The following DUSP9 variants were observed in gnomAD, a reference collection of about 807,000 sequenced individuals.
DUSP9 encodes the protein dual specificity protein phosphatase 9.
DUSP9 carries 4 observed loss-of-function variants against 13.2 expected under a neutral mutation model. The ratio of observed to expected loss-of-function variants is 0.30; its 90% CI spans 0.15 to 0.69. The LOEUF is 0.69. DUSP9 is among the 30% of genes least tolerant of loss of function. The pLI is 0.73. For synonymous variants in DUSP9, 166 were observed against 172.3 expected, an observed-to-expected ratio of 0.96 and a Z score of 0.29; for missense variants, 263 against 355.0, an observed-to-expected ratio of 0.74 and a Z score of 2.08.
chrX:153,650,617 T>A lies in DUSP9; in HGVS notation c.*312T>A. The A allele has an allele frequency of 3.9e-6, 1 of 254,060 alleles. No homozygotes were observed. The highest frequency in any genetic ancestry group is 7.0e-6 in the Non-Finnish European group (1 of 142,329). 20.9% of individuals were successfully genotyped at this position (254,060 alleles called of 1,213,427 possible). ...AGCTCGGCTAGGCCCTGCGCCTCCCTGCGCTTCCCCCTTCAGGAAGGGTGT... is the reference window on the plus strand; with the variant it reads ...AGCTCGGCTAGGCCCTGCGCCTCCCAGCGCTTCCCCCTTCAGGAAGGGTGT... On this transcript the variant is annotated 3_prime_UTR_variant, in exon 4 of 4. Transcript: ENST00000342782.
At position 153,650,900 on chromosome X, in the gene DUSP9, CTGGGGCTCTT is replaced by C. The variant is rs1341770241; in HGVS notation, c.*598_*607del. On this transcript the variant is annotated 3_prime_UTR_variant, in exon 4 of 4. Transcript: ENST00000342782. The stretch of plus-strand genomic sequence containing the variant: ...TCCCCCAGATGTCTTGACGGGATCA[CTGGGGCTCTT>C]TGTGAGTGAGGGTGGCCAAACTACC... 2 of 109,945 alleles carry C rather than the reference CTGGGGCTCTT, an allele frequency of 1.8e-5. No individual in the cohort carries two copies. Among genetic ancestry groups the C allele is most frequent in the African/African-American group, 6.6e-5 (2 of 30,159 alleles). The allele number at this position is 109,945 out of a possible 1,213,427, so 9.1% of individuals were successfully genotyped here.
rs911531459 is a variant in DUSP9, at chrX:153,650,440, G to T, written c.*135G>T. ...CTGGGGGGAGAGCGCAATACCTCAC[G>T]CGGGCTGCCGTCCTAATCAACGTGC... On this transcript the variant is annotated 3_prime_UTR_variant, in exon 4 of 4. Coordinates refer to ENST00000342782, the MANE Select transcript of DUSP9 (RefSeq NM_001318503.2). 2.5e-5 allele frequency: 12 copies of T among 478,741 alleles called. No homozygotes were observed. Among genetic ancestry groups the T allele is most frequent in the East Asian group, 2.2e-4 (6 of 26,924 alleles). The allele number at this position is 478,741 out of a possible 1,213,427, so 39.5% of individuals were successfully genotyped here. A position where few individuals can be genotyped will look rare whatever the true frequency, so the allele number is the denominator to read the frequency against.
rs1603189605 is a variant in DUSP9, at chrX:153,650,369, T to C, written c.*64T>C. 1.1e-6 allele frequency: 1 copy of C among 887,273 alleles called. No individual in the cohort carries two copies. The highest frequency in any genetic ancestry group is 1.5e-6 in the Non-Finnish European group (1 of 646,488). 73.1% of individuals were successfully genotyped at this position (887,273 alleles called of 1,213,427 possible). A position where few individuals can be genotyped will look rare whatever the true frequency, so the allele number is the denominator to read the frequency against. On this transcript the variant is annotated 3_prime_UTR_variant, in exon 4 of 4. Coordinates refer to ENST00000342782, the MANE Select transcript of DUSP9 (RefSeq NM_001318503.2). ...ACCCACGGGTGTCCCTGCCCACTCG[T>C]GTGGCAAGGGAGGGGAGGGCAGGAG...
In DUSP9 at chrX:153,650,325, C is replaced by A; in HGVS notation, c.*20C>A. The A allele has an allele frequency of 3.7e-6, 4 of 1,089,576 alleles. No homozygotes were observed. Among genetic ancestry groups the A allele is most frequent in the Non-Finnish European group, 4.9e-6 (4 of 817,748 alleles). 89.8% of individuals were successfully genotyped at this position (1,089,576 alleles called of 1,213,427 possible). A position where few individuals can be genotyped will look rare whatever the true frequency, so the allele number is the denominator to read the frequency against. On this transcript the variant is annotated 3_prime_UTR_variant, in exon 4 of 4. Coordinates refer to ENST00000342782, the MANE Select transcript of DUSP9 (RefSeq NM_001318503.2). ...ACCTAGGGCCCCGTGGCCGGCAGGC[C>A]GGCCCCTGCCCCACCCCCACCCACG...
rs1243273996 is a variant in DUSP9, at chrX:153,650,014, C to A, written c.864C>A (p.Val288=). 4 of 1,208,728 alleles carry A rather than the reference C, an allele frequency of 3.3e-6. No homozygotes were observed. The highest frequency in any genetic ancestry group is 1.8e-5 in the South Asian group (1 of 56,756). The part of the protein sequence containing the change: ...EALSQNCGVL[V]HCLAGVSRSV... ...TGTCCCAGAACTGCGGGGTGCTCGT[C>A]CACTGCTTGGCGGGGGTCAGCCGTT... is the stretch of plus-strand genomic sequence containing the variant. Residue 288 remains valine (V), a synonymous_variant, in exon 4 of 4, where the codon GTC becomes GTA. Transcript: ENST00000342782.
rs782644901 is a variant in DUSP9, at chrX:153,649,333, G to C, written c.475G>C (p.Val159Leu). 5.8e-6 allele frequency: 7 copies of C among 1,209,361 alleles called. No individual in the cohort carries two copies. In the African/African-American group the frequency reaches 1.2e-4, roughly 21 times the overall value. Residue 159 changes from valine (V) to leucine (L), a missense_variant, in exon 3 of 4, where the codon GTG becomes CTG. By Grantham distance (32) the Val-to-Leu change is conservative. Coordinates refer to ENST00000342782, the MANE Select transcript of DUSP9 (RefSeq NM_001318503.2). ...GGCGCCGGTGCCCGGTCCAGTGCCC[G>C]TGGTGGGGTTGGGCAGCCTGTGCCT... ...SMAPVPGPVPVVGLGSLCLGS... is the reference protein window; with the variant it reads ...SMAPVPGPVPLVGLGSLCLGS...
upstream of DUSP9, among the ~76,000 whole-genome samples, chrX:153,644,560 G>T (rs1005001418): frequency 4.5e-5 from 5 of 111,818 alleles, no homozygotes; most frequent in Admixed American, 4.6e-4. Context: ...CAGTGCGGAG[G>T]TGGCAACAGG....
rs781985308 is a variant in DUSP9, at chrX:153,649,529, G to A, written c.671G>A (p.Ser224Asn). 4.1e-6 allele frequency: 5 copies of A among 1,210,866 alleles called. No individual in the cohort carries two copies. In the East Asian group the frequency reaches 1.5e-4, roughly 36 times the overall value. The stretch of plus-strand genomic sequence containing the variant: ...GCCCGGGATTCCGCCAATTTGGAGA[G>A]CCTGGCCAAACTGGGCATCCGCTAC... ...GSARDSANLE[S>N]LAKLGIRYIL... Residue 224 changes from serine (S) to asparagine (N), a missense_variant, in exon 3 of 4, where the codon AGC (serine) becomes AAC (asparagine). Ser to Asn is a conservative substitution (Grantham distance 46). Coordinates refer to ENST00000342782, the MANE Select transcript of DUSP9 (RefSeq NM_001318503.2).
rs1569538156 is a variant in DUSP9, at chrX:153,651,238, G to C, written c.*933G>C. 1 of 112,938 alleles carries C rather than the reference G, an allele frequency of 8.9e-6. No homozygotes were observed. The highest frequency in any genetic ancestry group is 1.9e-5 in the Non-Finnish European group (1 of 53,313). The allele number at this position is 112,938 out of a possible 1,213,427, so 9.3% of individuals were successfully genotyped here. On this transcript the variant is annotated 3_prime_UTR_variant, in exon 4 of 4. Coordinates refer to ENST00000342782, the MANE Select transcript of DUSP9 (RefSeq NM_001318503.2). The stretch of plus-strand genomic sequence containing the variant: ...GCCGTCTCACCCTGGAGCCTGGAGA[G>C]GATCTATGCTTGTTTGTTTTTGTAA...
At position 153,649,484 on chromosome X, in the gene DUSP9, C is replaced by G. The variant is rs1603188310; in HGVS notation, c.626C>G (p.Pro209Arg). ...GCATCCTTCCCTGTCCAGATCCTGC[C>G]CAACCTCTATCTGGGCAGTGCCCGG... The part of the protein sequence containing the change: ...LRASFPVQIL[P>R]NLYLGSARDS... Residue 209 changes from proline to arginine, a missense_variant, in exon 3 of 4, where the codon CCC (proline) becomes CGC (arginine). Transcript: ENST00000342782. 2 of 1,210,663 alleles carry G rather than the reference C, an allele frequency of 1.7e-6. No individual in the cohort carries two copies. The highest frequency in any genetic ancestry group is 3.5e-5 in the South Asian group (2 of 56,893).
chrX:153,642,938 C>T (rs190528558), upstream of DUSP9, among the ~76,000 whole-genome samples: 290 of 108,295 alleles, frequency 2.7e-3, no homozygotes, highest in African/African-American at 9.0e-3. Context: ...TCATGCCAAC[C>T]CACCGAGACC....
At position 153,650,053 on chromosome X, in the gene DUSP9, T is replaced by C. The variant is rs782057191; in HGVS notation, c.903T>C (p.Thr301=). The C allele has an allele frequency of 5.7e-5, 69 of 1,209,615 alleles. 1 individual carries two copies. The South Asian group carries it at 1.1e-3, about 20-fold the overall frequency. The part of the protein sequence containing the change: ...LAGVSRSVTV[T]VAYLMQKLHL... ...GGGTCAGCCGTTCTGTCACCGTCAC[T>C]GTGGCCTACCTCATGCAGAAGCTCC... Residue 301 remains threonine, a synonymous_variant, in exon 4 of 4, where the codon ACT becomes ACC. Transcript: ENST00000342782.
At position 153,649,667 on chromosome X, in the gene DUSP9, C is replaced by G. The variant is rs782267620; in HGVS notation, c.809C>G (p.Pro270Arg). 1 of 1,208,893 alleles carries G rather than the reference C, an allele frequency of 8.3e-7. No individual in the cohort carries two copies. Among genetic ancestry groups the G allele is most frequent in the Non-Finnish European group, 1.1e-6 (1 of 894,603 alleles). The change falls in exon 3 of 4, where the codon CCG becomes CGG. Residue 270 changes from proline (P) to arginine (R), a missense_variant. By Grantham distance (103) the Pro-to-Arg change is moderately radical (BLOSUM62 -2). Coordinates refer to ENST00000342782, the MANE Select transcript of DUSP9 (RefSeq NM_001318503.2). ...AGCCAGAACCTGTCGCGGTTCTTTC[C>G]GGAGGCCATTGAGTTCATTGGTGAG... is the stretch of plus-strand genomic sequence containing the variant. ...HWSQNLSRFFPEAIEFIDEAL... is the reference protein window; with the variant it reads ...HWSQNLSRFFREAIEFIDEAL...
upstream of DUSP9, chrX:153,642,465 G>A (rs1297762578): frequency 1.8e-5 from 2 of 113,698 alleles, no homozygotes; most frequent in African/African-American, 3.2e-5. Context: ...CAGCGGCGGC[G>A]GCGGCTGCCC....
upstream of DUSP9, chrX:153,642,584 C>G (rs980318965): frequency 6.2e-5 from 7 of 112,217 alleles, no homozygotes; most frequent in East Asian, 1.4e-3. Flanking sequence ...ACGCAGGGAA[C>G]CGGCGCGGAG....
chrX:153,646,956 C>T (rs1480120571), upstream of DUSP9, among the ~76,000 whole-genome samples: 2 of 112,779 alleles, frequency 1.8e-5, no homozygotes, highest in African/African-American at 3.2e-5. Context: ...CTCCCCCTGC[C>T]TCCCGAGGCC....
intron 2 of DUSP9, 55 bp from the exon 3 acceptor site, chrX:153,649,177 G>A (rs2091201594): frequency 1.8e-6 from 2 of 1,121,213 alleles, no homozygotes; most frequent in South Asian, 1.8e-5. Context: ...CCAGACAGAG[G>A]CACTTGGCTG....
chrX:153,650,485 G>C lies in DUSP9; in HGVS notation c.*180G>C. On this transcript the variant is annotated 3_prime_UTR_variant, in exon 4 of 4. Transcript: ENST00000342782. Reference sequence around the variant, plus strand: ...ACGTGCCTATGGCGGGACCACGCTCGGAGCCTGCCTCTTCTGCGACTGTTA... The same window carrying C: ...ACGTGCCTATGGCGGGACCACGCTCCGAGCCTGCCTCTTCTGCGACTGTTA... The C allele has an allele frequency of 2.4e-6, 1 of 423,062 alleles. No individual in the cohort carries two copies. The highest frequency in any genetic ancestry group is 4.1e-6 in the Non-Finnish European group (1 of 245,303). The allele number at this position is 423,062 out of a possible 1,213,427, so 34.9% of individuals were successfully genotyped here. A position where few individuals can be genotyped will look rare whatever the true frequency, so the allele number is the denominator to read the frequency against.
chrX:153,648,449 T>G (rs2091198317), intron 2 of DUSP9, 123 bp downstream of exon 2: 12 of 834,373 alleles, frequency 1.4e-5, no homozygotes, highest in African/African-American at 2.2e-5. Context: ...CAGGCTGCTT[T>G]GAGAGGAGGG....
Sources: gnomAD v4.1 joint callset for allele counts (sites outside exome capture counted in the v4.1 genomes callset) on GRCh38, gnomAD v4.1.1 for gene constraint, MANE v1.5 for transcripts, NCBI Gene and HGNC (gene_info 2026-07-23, HGNC 2026-07-21) for gene names.